LSR: variants seen among roughly 807,000 people sequenced by gnomAD.
The protein encoded by LSR is lipolysis-stimulated lipoprotein receptor.
In LSR, 44 loss-of-function variants were observed where a neutral mutation model predicts 61.8. The ratio of observed to expected loss-of-function variants is 0.71; its 90% CI spans 0.56 to 0.91. The LOEUF is 0.91. Among genes scored for constraint, LSR ranks in the 40% least tolerant of loss-of-function variants. The pLI is 0.00. For missense variants in LSR, 911 were observed against 830.5 expected (o/e 1.10, Z -1.19); for synonymous variants, 397 against 350.6 (o/e 1.13, Z -1.48).
chr19:35,250,768 C>A, intron 2 of LSR, 109 bp downstream of exon 2: 1 of 718,242 alleles, frequency 1.4e-6, no homozygotes, highest in Non-Finnish European at 2.2e-6. Flanking sequence ...GTGCCAGTGT[C>A]TGAAAGGACC....
At chr19:35,255,325 A>G (rs947521542) in intron 2 of LSR, among the ~76,000 whole-genome samples, 4 of 152,176 alleles carry the variant, frequency 2.6e-5, no homozygotes, top group African/African-American at 9.7e-5. Context: ...CTCAAAAAAG[A>G]TACAGGTGGA....
rs370139211 is a variant in LSR, at chr19:35,261,986, G to A, written c.631+5G>A. ...TTCAGGCGGGGCCCATAGAAGGTAC[G>A]GGGGGTGGATCCTGAGTTGGGCTTC... On this transcript the variant is annotated splice_donor_5th_base_variant and intron_variant, in intron 4 of 9. Transcript: ENST00000605618. 3.2e-5 allele frequency: 48 copies of A among 1,516,584 alleles called. No homozygotes were observed. The highest frequency in any genetic ancestry group is 8.8e-5 in the African/African-American group (6 of 68,274). 93.9% of individuals were successfully genotyped at this position (1,516,584 alleles called of 1,614,324 possible).
chr19:35,263,427 C>T (rs1050447751), intron 5 of LSR, among the ~76,000 whole-genome samples: 1 of 152,120 alleles, frequency 6.6e-6, no homozygotes, highest in African/African-American at 2.4e-5. Context: ...GCGATCATAG[C>T]TCTCTGCAGC....
At chr19:35,253,442 G>GGA (rs1162020765) in intron 2 of LSR, 1 of 152,888 alleles carries the variant, frequency 6.5e-6, no homozygotes, top group Non-Finnish European at 1.5e-5. Context: ...GAGAGGAAGG[G>GGA]GAGGGGCAGG....
intron 5 of LSR, chr19:35,262,947 G>A: frequency 2.1e-6 from 1 of 476,000 alleles, no homozygotes; most frequent in Non-Finnish European, 3.7e-6. Flanking sequence ...ATGTCCAACA[G>A]TACAAGATAC....
chr19:35,257,144 G>A (rs1057372866), intron 2 of LSR, among the ~76,000 whole-genome samples: 2 of 152,114 alleles, frequency 1.3e-5, no homozygotes, highest in Non-Finnish European at 2.9e-5. Flanking sequence ...GGCCAAGAGG[G>A]TGTTCATTTC....
chr19:35,267,698 C>A lies in LSR; in HGVS notation c.1734C>A (p.Thr578=). Residue 578 remains threonine, a synonymous_variant, in exon 9 of 10, where the codon ACC becomes ACA. Transcript: ENST00000605618. The part of the protein sequence containing the change: ...YPPAPPPYSE[T]DSQASRERRL... ...CCGCGCCGCCCCCGTACTCGGAGAC[C>A]GACTCGCAGGCGTCCCGAGAGCGCA... 1 of 1,603,532 alleles carries A rather than the reference C, an allele frequency of 6.2e-7. No homozygotes were observed. Among genetic ancestry groups the A allele is most frequent in the Non-Finnish European group, 8.5e-7 (1 of 1,175,684 alleles).
chr19:35,266,986 GTCTGAGGGC>G lies in LSR; in HGVS notation c.1144+21_1144+29del. On this transcript the variant is annotated intron_variant, in intron 8 of 9. Transcript: ENST00000605618. ...GAGCGGGGTAAGCAGGAGCCTTGGGGTCTGAGGGCTTTTAAGGTGGGGGGGTGAAACATG... is the reference window on the plus strand; with the variant it reads ...GAGCGGGGTAAGCAGGAGCCTTGGGGTTTTAAGGTGGGGGGGTGAAACATG... The G allele has an allele frequency of 6.3e-7, 1 of 1,599,528 alleles. No homozygotes were observed. The highest frequency in any genetic ancestry group is 8.5e-7 in the Non-Finnish European group (1 of 1,174,006).
At chr19:35,255,726 T>C (rs2065848144) in intron 2 of LSR, among the ~76,000 whole-genome samples, 1 of 152,198 alleles carries the variant, frequency 6.6e-6, no homozygotes, top group Admixed American at 6.6e-5. Context: ...TTGTTTAAAA[T>C]GGCACAGCCC....
In LSR at chr19:35,266,356, C is replaced by A. The variant is rs1229919991; in HGVS notation, c.779-3C>A. On this transcript the variant is annotated splice_region_variant and splice_polypyrimidine_tract_variant and intron_variant, in intron 5 of 9. Transcript: ENST00000605618. ...CCTTCTCCTGTTGATTGTGTCCTCA[C>A]AGTGTATGCCGCCGGCAAAGCAGCC... The A allele has an allele frequency of 1.3e-6, 2 of 1,571,720 alleles. No individual in the cohort carries two copies. The highest frequency in any genetic ancestry group is 1.7e-6 in the Non-Finnish European group (2 of 1,158,056).
rs1258025610 is a variant in LSR, at chr19:35,258,968, A to C, written c.478A>C (p.Thr160Pro). ...AGATGCTGACCTGACCTTTGACCAG[A>C]CGGCGTGGGGGGACAGTGGTGTGTA... ...TGNADLTFDQ[T>P]AWGDSGVYYC... Residue 160 changes from threonine to proline, a missense_variant, in exon 3 of 10, where the codon ACG becomes CCG. By Grantham distance (38) the Thr-to-Pro change is conservative (BLOSUM62 -1). Transcript: ENST00000605618. 1.9e-6 allele frequency: 3 copies of C among 1,613,932 alleles called. No homozygotes were observed. The Admixed American group carries it at 5.0e-5, about 27-fold the overall frequency.
chr19:35,251,010 G>A (rs1599589317), intron 2 of LSR, among the ~76,000 whole-genome samples: 1 of 152,192 alleles, frequency 6.6e-6, no homozygotes, highest in East Asian at 1.9e-4. Flanking sequence ...TGGCCAGGCT[G>A]GTCTCAAACT....
Position 35,266,727 on chromosome 19 carries a change from G to C in LSR, c.1001G>C (p.Ser334Thr). The C allele has an allele frequency of 6.2e-7, 1 of 1,609,252 alleles. No homozygotes were observed. Among genetic ancestry groups the C allele is most frequent in the Non-Finnish European group, 8.5e-7 (1 of 1,178,130 alleles). Residue 334 changes from serine to threonine, a missense_variant, in exon 7 of 10, where the codon AGT becomes ACT. Coordinates refer to ENST00000605618, the MANE Select transcript of LSR (RefSeq NM_205834.4). ...CCCCTGCTTCGGGACACGGACAGCA[G>C]TGTGGCCTCTGGTGAGAATCCATCG... The part of the protein sequence containing the change: ...YVPLLRDTDS[S>T]VASEVRSGYR...
rs751281929 is a variant in LSR, at chr19:35,250,295, G to A, written c.110-20G>A. ...CCCTGAGCTCACAGCAACCCTTGCT[G>A]TCTCTCCTCTTGCCCTCAGCTCCTG... On this transcript the variant is annotated intron_variant, in intron 1 of 9. Transcript: ENST00000605618. 1 of 1,502,380 alleles carries A rather than the reference G, an allele frequency of 6.7e-7. No individual in the cohort carries two copies. Among genetic ancestry groups the A allele is most frequent in the South Asian group, 1.3e-5 (1 of 74,752 alleles). 93.1% of individuals were successfully genotyped at this position (1,502,380 alleles called of 1,614,324 possible).
rs1423558957 is a variant in LSR, at chr19:35,267,621, G to C, written c.1657G>C (p.Glu553Gln). 2 of 1,612,092 alleles carry C rather than the reference G, an allele frequency of 1.2e-6. No individual in the cohort carries two copies. Among genetic ancestry groups the C allele is most frequent in the Non-Finnish European group, 1.7e-6 (2 of 1,179,434 alleles). ...LEEAVRKKGSEERRRPHKEEE... is the reference protein window; with the variant it reads ...LEEAVRKKGSQERRRPHKEEE... Reference sequence around the variant, plus strand: ...GGAGGCTGTGAGGAAGAAGGGGTCGGAGGAGAGGAGGAGACCCCACAAGGA... The same window carrying C: ...GGAGGCTGTGAGGAAGAAGGGGTCGCAGGAGAGGAGGAGACCCCACAAGGA... The change falls in exon 9 of 10, where the codon GAG (glutamate) becomes CAG (glutamine). Residue 553 changes from glutamate (E) to glutamine (Q), a missense_variant. Transcript: ENST00000605618.
intron 3 of LSR, among the ~76,000 whole-genome samples, chr19:35,261,544 T>C (rs1418054651): frequency 6.6e-6 from 1 of 152,086 alleles, no homozygotes; most frequent in Non-Finnish European, 1.5e-5. Flanking sequence ...TGAGATCCTA[T>C]TTCGTGGGCC....
intron 3 of LSR, among the ~76,000 whole-genome samples, chr19:35,260,453 G>A (rs891334933): frequency 1.3e-5 from 2 of 151,164 alleles, no homozygotes; most frequent in East Asian, 3.9e-4. Flanking sequence ...CACCACACCC[G>A]GCTAATTTTT....
chr19:35,254,241 A>C (rs548749737), intron 2 of LSR, among the ~76,000 whole-genome samples: 2 of 152,020 alleles, frequency 1.3e-5, no homozygotes, highest in Non-Finnish European at 2.9e-5. Flanking sequence ...TTACAGGTGC[A>C]CACCACCACA....
rs2066032707 is a variant in LSR, at chr19:35,267,468, C to G, written c.1504C>G (p.His502Asp). Residue 502 changes from histidine to aspartate, a missense_variant, in exon 9 of 10, where the codon CAC (histidine) becomes GAC (aspartate). Physicochemically the swap from His to Asp is moderately conservative, Grantham distance 81. Transcript: ENST00000605618. ...SRDFPRSRDP[H>D]YDDFRSRERP... ...GGACTTCCCACGCTCCCGGGACCCC[C>G]ACTACGACGACTTCAGGTCTCGGGA... 3 of 1,610,898 alleles carry G rather than the reference C, an allele frequency of 1.9e-6. No individual in the cohort carries two copies. Among genetic ancestry groups the G allele is most frequent in the African/African-American group, 1.3e-5 (1 of 74,916 alleles).
Sources: allele counts gnomAD v4.1 joint callset (sites outside exome capture counted in the v4.1 genomes callset), GRCh38; gene constraint gnomAD v4.1.1; transcripts MANE v1.5; gene names NCBI Gene and HGNC (gene_info 2026-07-23, HGNC 2026-07-21).